The following DZIP1 variants were observed in gnomAD, a reference collection of about 807,000 sequenced individuals.
DZIP1 encodes DAZ interacting zinc finger protein 1, also known as cilium assembly protein DZIP1.
DZIP1 carries 97 observed loss-of-function variants against 107.6 expected under a neutral mutation model. The observed-to-expected ratio is 0.90, with a 90% confidence interval of 0.77 to 1.07. DZIP1 has a LOEUF of 1.07. DZIP1 is among the 50% of genes least tolerant of loss of function. The probability of loss-of-function intolerance (pLI) is 0.00; values close to 1 mark genes in which losing one functional copy is unlikely to be tolerated. For synonymous variants in DZIP1, 390 were observed against 386.4 expected (o/e 1.01, Z -0.11); for missense variants, 1,035 against 1,063.6 (o/e 0.97, Z 0.37).
At chr13:95,632,287 G>A (rs544320172) in intron 6 of DZIP1, among the ~76,000 whole-genome samples, 3 of 152,132 alleles carry the variant, frequency 2.0e-5, no homozygotes, top group South Asian at 4.2e-4. Context: ...TGATGTAAAC[G>A]CACCCATGGC....
intron 7 of DZIP1, among the ~76,000 whole-genome samples, chr13:95,629,175 C>T (rs1355647318): frequency 6.6e-6 from 1 of 152,224 alleles, no homozygotes; most frequent in East Asian, 1.9e-4. Flanking sequence ...GTCACTCCAA[C>T]AGTCACAAGG....
chr13:95,607,964 C>T (rs1324562277), intron 13 of DZIP1, among the ~76,000 whole-genome samples: 1 of 152,192 alleles, frequency 6.6e-6, no homozygotes. Flanking sequence ...TATTGCATAT[C>T]TCCTAAGCTG....
chr13:95,609,478 GC>G lies in DZIP1; in HGVS notation c.1398del (p.Gln466HisfsTer9). The G allele has an allele frequency of 1.3e-6, 2 of 1,584,050 alleles. No homozygotes were observed. Among genetic ancestry groups the G allele is most frequent in the Non-Finnish European group, 1.7e-6 (2 of 1,165,778 alleles). Reference protein sequence around the residue: ...NPLAWQAFESQPAAPAVPMNA... With the variant: ...NPLAWQAFESXPAAPAVPMNA... ...TTACTAGGCACAGCTGGAGCAGCTG[GC>G]TGAGATTCAAAAGCCTGCCAGGCTA... On this transcript the variant is annotated frameshift_variant, in exon 13 of 23. Coordinates refer to ENST00000376829, the MANE Select transcript of DZIP1 (RefSeq NM_198968.4). LOFTEE classifies it high-confidence loss of function.
chr13:95,609,321 C>T, intron 13 of DZIP1, 136 bp downstream of exon 13: 1 of 502,106 alleles, frequency 2.0e-6, no homozygotes, highest in Non-Finnish European at 3.3e-6. Context: ...AACTAAGAAT[C>T]AAAATAAATC....
In DZIP1 at chr13:95,641,224, G is replaced by C; in HGVS notation, c.597+71C>G. ...CTTTAAGAAGAAAGAGTGGTGATAC[G>C]GGACAGGCCTATCAAATGGGAACTG... On this transcript the variant is annotated intron_variant, in intron 5 of 22. Coordinates refer to ENST00000376829, the MANE Select transcript of DZIP1 (RefSeq NM_198968.4). This position sits in a 1 kb window ranked among gnomAD's most constrained non-coding sequence, Gnocchi z 4.3. 6.7e-7 allele frequency: 1 copy of C among 1,501,794 alleles called. No homozygotes were observed. The highest frequency in any genetic ancestry group is 8.9e-7 in the Non-Finnish European group (1 of 1,122,228). The allele number at this position is 1,501,794 out of a possible 1,614,324, so 93.0% of individuals were successfully genotyped here.
chr13:95,622,359 T>C lies in DZIP1; in HGVS notation c.1094A>G (p.Gln365Arg), dbSNP rs759704476. The change falls in exon 9 of 23, where the codon CAG (glutamine) becomes CGG (arginine). Residue 365 changes from glutamine to arginine, a missense_variant. Coordinates refer to ENST00000376829, the MANE Select transcript of DZIP1 (RefSeq NM_198968.4). The stretch of plus-strand genomic sequence containing the variant: ...TGCACGTACCTGACTATCAAGAAGC[T>C]GCATGACATTATGGAAATCCTGGGG... ...PYPQDFHNVM[Q>R]LLDSQESKWT... 5.0e-6 allele frequency: 8 copies of C among 1,614,090 alleles called. No individual in the cohort carries two copies. The African/African-American group carries it at 5.3e-5, about 11-fold the overall frequency.
At chr13:95,610,407 C>T (rs2044959126) in intron 12 of DZIP1, among the ~76,000 whole-genome samples, 1 of 151,664 alleles carries the variant, frequency 6.6e-6, no homozygotes, top group African/African-American at 2.4e-5. Flanking sequence ...AATTTCTGGG[C>T]TCGAGTGATT....
chr13:95,636,033 G>A (rs755534080), intron 5 of DZIP1, among the ~76,000 whole-genome samples: 6 of 151,954 alleles, frequency 3.9e-5, no homozygotes, highest in African/African-American at 4.8e-5. Flanking sequence ...AACATGGCAT[G>A]CAAAAATAAA....
At position 95,588,827 on chromosome 13, in the gene DZIP1, C is replaced by T. The variant is rs370112031; in HGVS notation, c.2027+327G>A. On this transcript the variant is annotated intron_variant, in intron 19 of 22. Transcript: ENST00000376829. ...TAAAACAAACTTACACTGTCATGAG[C>T]CTAGCCATAAAAACTCAACATCAGC... Among the ~76,000 whole-genome samples, 4 of 152,298 alleles carry T rather than the reference C, an allele frequency of 2.6e-5. No individual in the cohort carries two copies. The East Asian group carries it at 7.7e-4, about 29-fold the overall frequency.
Position 95,582,103 on chromosome 13 carries a change from T to C in DZIP1, c.*131A>G, listed in dbSNP as rs1403724749. 1.3e-6 allele frequency: 1 copy of C among 786,446 alleles called. No homozygotes were observed. Among genetic ancestry groups the C allele is most frequent in the South Asian group, 1.6e-5 (1 of 61,468 alleles). 48.7% of individuals were successfully genotyped at this position (786,446 alleles called of 1,614,324 possible). ...GGTGCCATTAAAGAGACCATTGTTC[T>C]TTGAATCAGTCTCTGTGTTGCTGTG... On this transcript the variant is annotated 3_prime_UTR_variant, in exon 23 of 23. Transcript: ENST00000376829.
chr13:95,600,010 C>A (rs2044566246), intron 14 of DZIP1, among the ~76,000 whole-genome samples: 1 of 152,170 alleles, frequency 6.6e-6, no homozygotes, highest in African/African-American at 2.4e-5. Context: ...AGCCCCACAG[C>A]TGGGCAGATG....
At chr13:95,636,324 C>A (rs926609776) in intron 5 of DZIP1, among the ~76,000 whole-genome samples, 2 of 151,920 alleles carry the variant, frequency 1.3e-5, no homozygotes, top group Non-Finnish European at 2.9e-5. Context: ...GGGTGGATCA[C>A]CTGAGGTCAG....
intron 8 of DZIP1, among the ~76,000 whole-genome samples, chr13:95,623,039 G>A (rs1876094780): frequency 6.6e-6 from 1 of 152,042 alleles, no homozygotes; most frequent in South Asian, 2.1e-4. Flanking sequence ...TGAGCCACCA[G>A]GCCCAGCTGG....
chr13:95,586,928 G>A (rs191008049), intron 20 of DZIP1, among the ~76,000 whole-genome samples: 6 of 152,272 alleles, frequency 3.9e-5, no homozygotes, highest in African/African-American at 1.4e-4. Flanking sequence ...TATTAGAACA[G>A]CCATTCTCAT....
At chr13:95,609,419 G>T in intron 13 of DZIP1, 38 bp downstream of exon 13, 2 of 1,396,486 alleles carry the variant, frequency 1.4e-6, no homozygotes, top group East Asian at 2.6e-5. Context: ...GCATTTTAAA[G>T]ATACCTTTGG....
rs867935091 is a variant in DZIP1, at chr13:95,589,866, G to A, written c.1910C>T (p.Pro637Leu). The A allele has an allele frequency of 3.1e-6, 5 of 1,614,128 alleles. No homozygotes were observed. The South Asian group carries it at 5.5e-5, about 18-fold the overall frequency. Reference sequence around the variant, plus strand: ...TCTAATCAGTTGTCTGTTTTTGGAAGGAAGTTGTATCATTTTGGGTACTTC... The same window carrying A: ...TCTAATCAGTTGTCTGTTTTTGGAAAGAAGTTGTATCATTTTGGGTACTTC... ...TGEVPKMIQL[P>L]SKNRQLIRQK... The change falls in exon 18 of 23, where the codon CCT (proline) becomes CTT (leucine). Residue 637 changes from proline (P) to leucine (L), a missense_variant. Transcript: ENST00000376829.
At chr13:95,606,116 C>A in intron 13 of DZIP1, 57 bp from the exon 14 acceptor site, 1 of 1,574,456 alleles carries the variant, frequency 6.4e-7, no homozygotes, top group South Asian at 1.1e-5. Context: ...CATAAGCATC[C>A]GAACATGATG....
chr13:95,641,327 G>C lies in DZIP1; in HGVS notation c.565C>G (p.Leu189Val), dbSNP rs947310134. ...TAGTTGGCTTTGGCCTCGATCATCA[G>C]CTGCTGGGTGGAGATCATCTTCTTC... ...RRKKMISTQQ[L>V]MIEAKANYYQ... The change falls in exon 5 of 23, where the codon CTG becomes GTG. Residue 189 changes from leucine (L) to valine (V), a missense_variant. Coordinates refer to ENST00000376829, the MANE Select transcript of DZIP1 (RefSeq NM_198968.4). This position sits in a 1 kb window ranked among gnomAD's most constrained non-coding sequence, Gnocchi z 4.3. 2 of 1,602,456 alleles carry C rather than the reference G, an allele frequency of 1.2e-6. No homozygotes were observed. Among genetic ancestry groups the C allele is most frequent in the Non-Finnish European group, 1.7e-6 (2 of 1,171,014 alleles).
At chr13:95,621,035 A>G (rs1018879756) in intron 9 of DZIP1, among the ~76,000 whole-genome samples, 2 of 152,242 alleles carry the variant, frequency 1.3e-5, no homozygotes, top group African/African-American at 4.8e-5. Context: ...AGACACAGCC[A>G]TGGAGAATCC....
Sources: allele counts gnomAD v4.1 joint callset (sites outside exome capture counted in the v4.1 genomes callset), GRCh38; gene constraint gnomAD v4.1.1; non-coding constraint Gnocchi (gnomAD v3.1); transcripts MANE v1.5; gene names NCBI Gene and HGNC (gene_info 2026-07-23, HGNC 2026-07-21).